The following LIPI variants were observed in gnomAD, a reference collection of about 807,000 sequenced individuals.
LIPI encodes the protein lipase I, also known as lipase member I.
Under a neutral mutation model 50.6 loss-of-function variants are expected in LIPI, and 59 were observed. The ratio of observed to expected loss-of-function variants is 1.16; its 90% CI spans 0.94 to 1.45. The LOEUF (loss-of-function observed/expected upper bound fraction) is 1.45. Ranked by LOEUF, LIPI falls within the 40% of genes most tolerant of loss-of-function variation. LIPI has a pLI of 0.00. For synonymous variants in LIPI, 203 were observed against 178.2 expected, an observed-to-expected ratio of 1.14 and a Z score of -1.11; for missense variants, 586 against 536.3, an observed-to-expected ratio of 1.09 and a Z score of -0.92.
In LIPI at chr21:14,109,016, T is replaced by G; in HGVS notation, c.1360A>C (p.Thr454Pro). The change falls in exon 10 of 10, where the codon ACA (threonine) becomes CCA (proline). Residue 454 changes from threonine (T) to proline (P), a missense_variant. By Grantham distance (38) the Thr-to-Pro change is conservative (BLOSUM62 -1). Coordinates refer to ENST00000681601, the MANE Select transcript of LIPI (RefSeq NM_001302998.2). ...TCTTATGTGTTCTTTGGTGTACATG[T>G]GTTTGGATTAAGAAACACTTCCTCT... is the stretch of plus-strand genomic sequence containing the variant. The part of the protein sequence containing the change: ...DREEVFLNPN[T>P]CTPKNT 6.2e-7 allele frequency: 1 copy of G among 1,606,968 alleles called. No homozygotes were observed. The highest frequency in any genetic ancestry group is 8.5e-7 in the Non-Finnish European group (1 of 1,173,858).
At chr21:14,115,701 G>A (rs2016603646) in intron 9 of LIPI, among the ~76,000 whole-genome samples, 1 of 152,078 alleles carries the variant, frequency 6.6e-6, no homozygotes, top group Non-Finnish European at 1.5e-5. Flanking sequence ...CAGTGCAAAC[G>A]GAACCGACTC....
At chr21:14,187,357 A>G (rs2019492148) in intron 2 of LIPI, among the ~76,000 whole-genome samples, 1 of 152,070 alleles carries the variant, frequency 6.6e-6, no homozygotes, top group African/African-American at 2.4e-5. Flanking sequence ...GCTTGCCACT[A>G]ATGAAAAACT....
chr21:14,210,872 C>T lies in LIPI; in HGVS notation c.-27G>A. ...TGGAATCTGAGAAAAGCAAAAACAGCACTCAATTCACCAAAAAGGAAATTC... is the reference window on the plus strand; with the variant it reads ...TGGAATCTGAGAAAAGCAAAAACAGTACTCAATTCACCAAAAAGGAAATTC... On this transcript the variant is annotated 5_prime_UTR_variant, in exon 1 of 10. Coordinates refer to ENST00000681601, the MANE Select transcript of LIPI (RefSeq NM_001302998.2). 1 of 1,209,024 alleles carries T rather than the reference C, an allele frequency of 8.3e-7. No homozygotes were observed. Among genetic ancestry groups the T allele is most frequent in the Non-Finnish European group, 1.0e-6 (1 of 952,456 alleles). The allele number at this position is 1,209,024 out of a possible 1,614,324, so 74.9% of individuals were successfully genotyped here.
At chr21:14,157,270 A>G (rs1297714878) in intron 7 of LIPI, among the ~76,000 whole-genome samples, 1 of 151,958 alleles carries the variant, frequency 6.6e-6, no homozygotes, top group Non-Finnish European at 1.5e-5. Flanking sequence ...TCAATGGGAA[A>G]TGAAGCTCTA....
At chr21:14,109,876 T>A (rs1444562689) in intron 9 of LIPI, among the ~76,000 whole-genome samples, 1 of 37,756 alleles carries the variant, frequency 2.6e-5, no homozygotes, top group Non-Finnish European at 5.8e-5. Flanking sequence ...GTTCATCTAG[T>A]TATCACTGTC....
At chr21:14,184,101 A>T (rs1266662687) in intron 3 of LIPI, among the ~76,000 whole-genome samples, 1 of 152,238 alleles carries the variant, frequency 6.6e-6, no homozygotes, top group Admixed American at 6.5e-5. Context: ...GATAGACCGG[A>T]TTAAGAAAAT....
At chr21:14,206,284 C>A (rs1336374551) in intron 1 of LIPI, among the ~76,000 whole-genome samples, 1 of 150,028 alleles carries the variant, frequency 6.7e-6, no homozygotes, top group Non-Finnish European at 1.5e-5. Context: ...TTTTACCTCT[C>A]ATCTCTGAGT....
chr21:14,160,471 A>T (rs944064458), intron 7 of LIPI, among the ~76,000 whole-genome samples: 1 of 150,746 alleles, frequency 6.6e-6, no homozygotes, highest in Non-Finnish European at 1.5e-5. Context: ...TCAACAAATG[A>T]TGCTGGAGCT....
At chr21:14,132,137 A>G (rs1327551805) in intron 9 of LIPI, among the ~76,000 whole-genome samples, 1 of 152,214 alleles carries the variant, frequency 6.6e-6, no homozygotes, top group Non-Finnish European at 1.5e-5. Context: ...CAAAGCTTAG[A>G]AAAACTACTT....
intron 1 of LIPI, among the ~76,000 whole-genome samples, chr21:14,194,725 G>T (rs2019787112): frequency 6.6e-6 from 1 of 152,130 alleles, no homozygotes; most frequent in Non-Finnish European, 1.5e-5. Context: ...AAAAAATTCT[G>T]GCGATGGATG....
At chr21:14,151,395 G>T (rs568435084) in intron 8 of LIPI, among the ~76,000 whole-genome samples, 2 of 152,210 alleles carry the variant, frequency 1.3e-5, no homozygotes, top group Admixed American at 6.5e-5. Flanking sequence ...TAGTTAATTA[G>T]TTAATTTATG....
chr21:14,173,316 G>C (rs983577228), intron 4 of LIPI, among the ~76,000 whole-genome samples: 1 of 152,108 alleles, frequency 6.6e-6, no homozygotes, highest in East Asian at 1.9e-4. Flanking sequence ...TTCACTAACT[G>C]GAAAAAAATC....
chr21:14,114,103 G>A (rs180847973), intron 9 of LIPI, among the ~76,000 whole-genome samples: 18 of 151,882 alleles, frequency 1.2e-4, no homozygotes, highest in Non-Finnish European at 2.4e-4. Flanking sequence ...ACTTCAACCC[G>A]GGAGGCAGAG....
At chr21:14,149,360 G>A (rs185456676) in intron 8 of LIPI, among the ~76,000 whole-genome samples, 10 of 152,234 alleles carry the variant, frequency 6.6e-5, no homozygotes, top group Admixed American at 2.0e-4. Context: ...ACCTGGTCCC[G>A]CCCTTGACAG....
chr21:14,109,631 G>T (rs964258085), intron 9 of LIPI, among the ~76,000 whole-genome samples: 2 of 152,038 alleles, frequency 1.3e-5, no homozygotes, highest in Non-Finnish European at 2.9e-5. Context: ...AGTAAGACAA[G>T]TGTGTTTTCT....
chr21:14,210,925 A>C lies in LIPI; in HGVS notation c.-80T>G. ...TAACTCATTGAGGTTTCTCTTTGGTAGGATCATCACAGGCTGGCAGGTTCT... is the reference window on the plus strand; with the variant it reads ...TAACTCATTGAGGTTTCTCTTTGGTCGGATCATCACAGGCTGGCAGGTTCT... On this transcript the variant is annotated 5_prime_UTR_variant, in exon 1 of 10. Transcript: ENST00000681601. 1 of 1,149,440 alleles carries C rather than the reference A, an allele frequency of 8.7e-7. No individual in the cohort carries two copies. Among genetic ancestry groups the C allele is most frequent in the Non-Finnish European group, 1.1e-6 (1 of 925,218 alleles). The allele number at this position is 1,149,440 out of a possible 1,614,324, so 71.2% of individuals were successfully genotyped here.
At chr21:14,158,457 G>A (rs1340222588) in intron 7 of LIPI, among the ~76,000 whole-genome samples, 1 of 151,292 alleles carries the variant, frequency 6.6e-6, no homozygotes, top group South Asian at 2.1e-4. Context: ...AAATTTCACA[G>A]ACTAAATGAT....
At chr21:14,178,761 CT>C (rs1284720459) in intron 4 of LIPI, among the ~76,000 whole-genome samples, 2 of 152,082 alleles carry the variant, frequency 1.3e-5, no homozygotes, top group Non-Finnish European at 2.9e-5. Flanking sequence ...TTCACGCTGT[CT>C]TGCTCCAAGT....
At position 14,157,055 on chromosome 21, in the gene LIPI, A is replaced by G. The variant is rs533873413; in HGVS notation, c.1007-4371T>C. On this transcript the variant is annotated intron_variant, in intron 7 of 9. Transcript: ENST00000681601. ...TTTATGTGGAAAGCAGAAATTGTAA[A>G]TGAAGAAATTGGAAATTTAACCAAG... is the stretch of plus-strand genomic sequence containing the variant. Among the ~76,000 whole-genome samples the G allele has an allele frequency of 1.1e-3, 165 of 152,042 alleles. 1 individual carries two copies. Among genetic ancestry groups the G allele is most frequent in the African/African-American group, 3.9e-3 (163 of 41,562 alleles).
Sources: gnomAD v4.1 joint callset for allele counts (sites outside exome capture counted in the v4.1 genomes callset) on GRCh38, gnomAD v4.1.1 for gene constraint, MANE v1.5 for transcripts, NCBI Gene and HGNC (gene_info 2026-07-23, HGNC 2026-07-21) for gene names.